The following TYW1B variants were observed in gnomAD, a reference collection of about 807,000 sequenced individuals.
TYW1B encodes the protein S-adenosyl-L-methionine-dependent tRNA 4-demethylwyosine synthase TYW1B.
Under a neutral mutation model 86.9 loss-of-function variants are expected in TYW1B, and 73 were observed. The ratio of observed to expected loss-of-function variants is 0.84; its 90% CI spans 0.70 to 1.02. The LOEUF (loss-of-function observed/expected upper bound fraction) is 1.02, where lower values mean the gene tolerates loss of function less well. Ranked by LOEUF, TYW1B falls within the 50% of genes least tolerant of loss-of-function variation. The probability of loss-of-function intolerance (pLI) is 0.00; values close to 1 mark genes in which losing one functional copy is unlikely to be tolerated. For missense variants in TYW1B, 637 were observed against 827.4 expected, an observed-to-expected ratio of 0.77 and a Z score of 2.82; for synonymous variants, 248 against 292.8, an observed-to-expected ratio of 0.85 and a Z score of 1.56.
At chr7:72,806,517 G>A (rs1404315305) in intron 5 of TYW1B, among the ~76,000 whole-genome samples, 9 of 151,932 alleles carry the variant, frequency 5.9e-5, no homozygotes, top group Non-Finnish European at 8.8e-5. Context: ...GATTACAAGC[G>A]TGAGCCACCG....
rs111683262 is a variant in TYW1B, at chr7:72,667,587, GC to G, written c.1506+27099del. Among the ~76,000 whole-genome samples, 146 of 152,266 alleles carry G rather than the reference GC, an allele frequency of 9.6e-4. 3 individuals carry two copies. The highest frequency in any genetic ancestry group is 3.2e-3 in the African/African-American group (133 of 41,542). On this transcript the variant is annotated intron_variant, in intron 11 of 13. Transcript: ENST00000620995. ...AAATTAGCCAGGTGTGGTGACACAG[GC>G]CTGTAGTCCCAGCTACTCGGAAGGC...
intron 7 of TYW1B, among the ~76,000 whole-genome samples, chr7:72,758,394 T>C (rs1187516225): frequency 4.6e-5 from 7 of 152,142 alleles, no homozygotes; most frequent in Non-Finnish European, 8.8e-5. Context: ...CCTAATTTAT[T>C]ATGTTCCCAT....
intron 3 of TYW1B, among the ~76,000 whole-genome samples, chr7:72,814,421 A>C (rs1554478971): frequency 6.6e-6 from 1 of 151,906 alleles, no homozygotes; most frequent in African/African-American, 2.4e-5. Flanking sequence ...CATCTCTACT[A>C]AAACTACAAA....
At chr7:72,664,785 A>G (rs1813421966) in intron 11 of TYW1B, among the ~76,000 whole-genome samples, 1 of 152,180 alleles carries the variant, frequency 6.6e-6, no homozygotes, top group Non-Finnish European at 1.5e-5. Context: ...TGCTTGAGCT[A>G]CTTGGTCACA....
At chr7:72,581,463 T>A (rs558935548) in intron 13 of TYW1B, among the ~76,000 whole-genome samples, 2 of 152,306 alleles carry the variant, frequency 1.3e-5, no homozygotes, top group South Asian at 4.1e-4. Context: ...ATCATTTTTA[T>A]TTATTTATTT....
chr7:72,752,103 C>T (rs1231095684), intron 7 of TYW1B, among the ~76,000 whole-genome samples: 1 of 152,204 alleles, frequency 6.6e-6, no homozygotes. Flanking sequence ...GGTCCCCCAG[C>T]TGGGCCACTT....
Position 72,629,005 on chromosome 7 carries a change from A to T in TYW1B, c.1507-8T>A. On this transcript the variant is annotated splice_region_variant and splice_polypyrimidine_tract_variant and intron_variant, in intron 11 of 13. Coordinates refer to ENST00000620995, the MANE Select transcript of TYW1B (RefSeq NM_001145440.3). ...GTAGACAGTTCGTTGTTGCTAAAAC[A>T]AAGGAAAAGCCAACTTCGTTGTTAT... The T allele has an allele frequency of 6.3e-7, 1 of 1,585,690 alleles. No homozygotes were observed. Among genetic ancestry groups the T allele is most frequent in the African/African-American group, 1.4e-5 (1 of 73,644 alleles).
intron 7 of TYW1B, among the ~76,000 whole-genome samples, chr7:72,751,841 G>C (rs1161373696): frequency 6.6e-6 from 1 of 152,208 alleles, no homozygotes. Flanking sequence ...TCCAATGGCA[G>C]TTTAATTTTC....
Position 72,785,411 on chromosome 7 carries a change from T to G in TYW1B, c.847-7878A>C, listed in dbSNP as rs1244092808. Among the ~76,000 whole-genome samples, 4 of 147,624 alleles carry G rather than the reference T, an allele frequency of 2.7e-5. No homozygotes were observed. In the East Asian group the frequency reaches 7.8e-4, roughly 29 times the overall value. ...TAATTCTAATTATATAATTCTAATATAATTATATAATTAATTCTAATATAA... is the reference window on the plus strand; with the variant it reads ...TAATTCTAATTATATAATTCTAATAGAATTATATAATTAATTCTAATATAA... On this transcript the variant is annotated intron_variant, in intron 6 of 13. Coordinates refer to ENST00000620995, the MANE Select transcript of TYW1B (RefSeq NM_001145440.3).
chr7:72,782,752 C>G (rs180721513), intron 6 of TYW1B, among the ~76,000 whole-genome samples: 36 of 152,186 alleles, frequency 2.4e-4, no homozygotes, highest in African/African-American at 6.3e-4. Flanking sequence ...TGGCAAAGGC[C>G]TATAATTTCA....
chr7:72,783,392 A>G (rs1296536796), intron 6 of TYW1B, among the ~76,000 whole-genome samples: 4 of 151,520 alleles, frequency 2.6e-5, no homozygotes, highest in African/African-American at 9.7e-5. Context: ...TCAAAAAAAA[A>G]AAAAAAAAGA....
At chr7:72,634,380 G>A (rs1812618838) in intron 11 of TYW1B, among the ~76,000 whole-genome samples, 1 of 145,438 alleles carries the variant, frequency 6.9e-6, no homozygotes, top group African/African-American at 2.6e-5. Context: ...GTAGAGACAG[G>A]CTCTCACTTT....
intron 7 of TYW1B, chr7:72,769,202 T>C (rs1787825717): frequency 5.4e-6 from 2 of 370,774 alleles, no homozygotes; most frequent in Non-Finnish European, 4.4e-6. Context: ...ACTGAGAAGA[T>C]ACTGAAAAAT....
At chr7:72,608,775 C>T (rs2129568243) in intron 13 of TYW1B, among the ~76,000 whole-genome samples, 1 of 152,286 alleles carries the variant, frequency 6.6e-6, no homozygotes, top group South Asian at 2.1e-4. Context: ...ATATATCCTT[C>T]TTGCAATGAG....
intron 11 of TYW1B, among the ~76,000 whole-genome samples, chr7:72,644,902 A>G (rs776374018): frequency 2.4e-4 from 34 of 141,262 alleles, no homozygotes; most frequent in Non-Finnish European, 4.6e-4. Flanking sequence ...ATCTCGGCTC[A>G]CTGCAACCTC....
intron 7 of TYW1B, among the ~76,000 whole-genome samples, chr7:72,753,386 T>C (rs1554465429): frequency 1.3e-5 from 2 of 151,962 alleles, no homozygotes; most frequent in Non-Finnish European, 1.5e-5. Flanking sequence ...TAGAGTATCA[T>C]TACCATGTTT....
At chr7:72,706,303 T>C (rs1465699656) in intron 10 of TYW1B, among the ~76,000 whole-genome samples, 4 of 151,808 alleles carry the variant, frequency 2.6e-5, no homozygotes, top group African/African-American at 9.7e-5. Context: ...GGCAAATGCC[T>C]GTAATCCCAG....
chr7:72,790,143 G>C (rs1288613590), intron 6 of TYW1B, among the ~76,000 whole-genome samples: 1 of 151,302 alleles, frequency 6.6e-6, no homozygotes, highest in Non-Finnish European at 1.5e-5. Context: ...GTAGAAACGG[G>C]GTTTCACCAT....
chr7:72,817,516 T>C (rs1296425666), intron 2 of TYW1B, among the ~76,000 whole-genome samples: 2 of 152,152 alleles, frequency 1.3e-5, no homozygotes, highest in South Asian at 2.1e-4. Context: ...TAACACGTAA[T>C]CTCCAATGTT....
Sources: allele counts gnomAD v4.1 joint callset (sites outside exome capture counted in the v4.1 genomes callset), GRCh38; gene constraint gnomAD v4.1.1; transcripts MANE v1.5; gene names NCBI Gene and HGNC (gene_info 2026-07-23, HGNC 2026-07-21).